Variants in RPH3AL observed in about 807,000 individuals in gnomAD.
RPH3AL encodes rab effector Noc2.
In RPH3AL, 38 loss-of-function variants were observed where a neutral mutation model predicts 43.1. That is an observed-to-expected ratio of 0.88 (90% CI 0.68 to 1.15). The LOEUF (loss-of-function observed/expected upper bound fraction) is 1.15, where lower values mean the gene tolerates loss of function less well. RPH3AL is among the 50% of genes most tolerant of loss of function. The pLI, the probability that RPH3AL is intolerant of heterozygous loss-of-function variation, is 0.00. For synonymous variants in RPH3AL, 189 were observed against 176.3 expected (o/e 1.07, Z -0.57); for missense variants, 462 against 423.2 (o/e 1.09, Z -0.81).
intron 6 of RPH3AL, among the ~76,000 whole-genome samples, chr17:250,087 G>T (rs1555541764): frequency 6.9e-6 from 1 of 144,890 alleles, no homozygotes; most frequent in East Asian, 2.1e-4. Context: ...CATCACTGCG[G>T]GACCTCTCAG....
chr17:333,100 G>A lies in RPH3AL; in HGVS notation c.-37+659C>T, dbSNP rs1440959745. ...TAAAGTCGAGAGCTCACCACCCCGG[G>A]CGTTCGTCACTGCAGACATCACTGC... On this transcript the variant is annotated intron_variant, in intron 2 of 9. Coordinates refer to ENST00000331302, the MANE Select transcript of RPH3AL (RefSeq NM_006987.4). This position sits in a 1 kb window ranked among gnomAD's most constrained non-coding sequence, Gnocchi z 4.5. The A allele has an allele frequency of 3.1e-6, 4 of 1,282,480 alleles. No homozygotes were observed. The highest frequency in any genetic ancestry group is 5.7e-5 in the East Asian group (1 of 17,470). The allele number at this position is 1,282,480 out of a possible 1,614,324, so 79.4% of individuals were successfully genotyped here. A position where few individuals can be genotyped will look rare whatever the true frequency, so the allele number is the denominator to read the frequency against.
chr17:231,610 C>T (rs990872968), intron 7 of RPH3AL, among the ~76,000 whole-genome samples: 1 of 152,200 alleles, frequency 6.6e-6, no homozygotes, highest in East Asian at 1.9e-4. Flanking sequence ...GACAGGTGAG[C>T]GGCTGGAGAT....
intron 7 of RPH3AL, among the ~76,000 whole-genome samples, chr17:226,939 G>A (rs1257616431): frequency 6.6e-6 from 1 of 152,148 alleles, no homozygotes; most frequent in Non-Finnish European, 1.5e-5. Context: ...GCTCACCGAC[G>A]AGCCCTGTAT....
chr17:232,543 C>T (rs1315609130), intron 7 of RPH3AL, among the ~76,000 whole-genome samples: 6 of 152,204 alleles, frequency 3.9e-5, no homozygotes, highest in Non-Finnish European at 8.8e-5. Context: ...TCTCTCCCAG[C>T]GGGACCCACG....
rs2042613418 is a variant in RPH3AL at position 274,746 on chromosome 17, T to G, written c.438+7022A>C. Among the ~76,000 whole-genome samples the G allele has an allele frequency of 6.6e-6, 1 of 152,184 alleles. No individual in the cohort carries two copies. The highest frequency in any genetic ancestry group is 1.5e-5 in the Non-Finnish European group (1 of 68,036). ...GACGCCTTGGAGTCAATCCTGGGTC[T>G]GCGGGGCTTAGGCTGCTGCAGAAGC... On this transcript the variant is annotated intron_variant, in intron 6 of 9. Coordinates refer to ENST00000331302, the MANE Select transcript of RPH3AL (RefSeq NM_006987.4). This position sits in a 1 kb window ranked among gnomAD's most constrained non-coding sequence, Gnocchi z 4.7.
intron 8 of RPH3AL, among the ~76,000 whole-genome samples, chr17:216,871 G>A (rs1011992553): frequency 6.6e-6 from 1 of 152,136 alleles, no homozygotes; most frequent in Non-Finnish European, 1.5e-5. Context: ...ACAGGAGAGG[G>A]GGGTGGTGGT....
At position 230,117 on chromosome 17, in the gene RPH3AL, G is replaced by A. The variant is rs541552868; in HGVS notation, c.614-10381C>T. Among the ~76,000 whole-genome samples the A allele has an allele frequency of 5.3e-5, 8 of 152,272 alleles. No homozygotes were observed. In the South Asian group the frequency reaches 8.3e-4, roughly 16 times the overall value. Reference sequence around the variant, plus strand: ...GGCCCCCGAGGACAGCCCCAGGCACGGGAGCTGATGGGCACAGACAGGGCT... The same window carrying A: ...GGCCCCCGAGGACAGCCCCAGGCACAGGAGCTGATGGGCACAGACAGGGCT... On this transcript the variant is annotated intron_variant, in intron 7 of 9. Transcript: ENST00000331302.
In RPH3AL at chr17:323,509, G is replaced by A. The variant is rs1418843646; in HGVS notation, c.78-2094C>T. On this transcript the variant is annotated intron_variant, in intron 3 of 9. Transcript: ENST00000331302. This position sits in a 1 kb window ranked among gnomAD's most constrained non-coding sequence, Gnocchi z 4.4. ...GTTTGTTCCATCTGAGCATTTCGGA[G>A]GCTCCAGGGGTCAGTGATGGGCCAG... 6.6e-6 allele frequency among the ~76,000 whole-genome samples: 1 copy of A among 152,194 alleles called. No individual in the cohort carries two copies. Among genetic ancestry groups the A allele is most frequent in the African/African-American group, 2.4e-5 (1 of 41,432 alleles).
At chr17:286,764 T>G (rs1333441512) in intron 5 of RPH3AL, among the ~76,000 whole-genome samples, 1 of 152,188 alleles carries the variant, frequency 6.6e-6, no homozygotes, top group Non-Finnish European at 1.5e-5. Context: ...GGAGTGGATT[T>G]GCCCAGGGCA....
chr17:337,514 G>A (rs1388862552), intron 1 of RPH3AL, among the ~76,000 whole-genome samples: 3 of 152,314 alleles, frequency 2.0e-5, no homozygotes, highest in African/African-American at 4.8e-5. Flanking sequence ...GGACCCTCCA[G>A]CCCCTGCTAA....
intron 5 of RPH3AL, among the ~76,000 whole-genome samples, chr17:315,579 C>A (rs1555520109): frequency 9.9e-5 from 15 of 151,794 alleles, no homozygotes; most frequent in South Asian, 4.2e-4. Flanking sequence ...CCTCCATTGA[C>A]CTGTAGTCCC....
chr17:235,469 C>T (rs1270842517), intron 7 of RPH3AL, among the ~76,000 whole-genome samples: 43 of 137,926 alleles, frequency 3.1e-4, no homozygotes, highest in Non-Finnish European at 3.6e-4. Context: ...AAGCTGGGGT[C>T]GGCCGAGGCT....
intron 9 of RPH3AL, among the ~76,000 whole-genome samples, chr17:214,949 TC>T: frequency 6.6e-6 from 1 of 152,076 alleles, no homozygotes; most frequent in Non-Finnish European, 1.5e-5. Context: ...CAAAGATGCC[TC>T]CCGGATGCTC....
At chr17:305,655 C>T (rs925549471) in intron 5 of RPH3AL, among the ~76,000 whole-genome samples, 2 of 152,092 alleles carry the variant, frequency 1.3e-5, no homozygotes, top group South Asian at 2.1e-4. Context: ...CAGGCAGGTT[C>T]GAGGGAAGAA....
chr17:326,009 A>AGG (rs2044610688), intron 3 of RPH3AL, among the ~76,000 whole-genome samples: 1 of 152,210 alleles, frequency 6.6e-6, no homozygotes, highest in South Asian at 2.1e-4. Context: ...GAGAGAGAGA[A>AGG]GGTCAGGGAG....
chr17:325,238 A>T (rs937386051), intron 3 of RPH3AL, among the ~76,000 whole-genome samples: 1 of 152,194 alleles, frequency 6.6e-6, no homozygotes, highest in African/African-American at 2.4e-5. Flanking sequence ...CAGGTAAAGA[A>T]TCTACTCTCA....
At chr17:285,193 C>A (rs1002505410) in intron 5 of RPH3AL, among the ~76,000 whole-genome samples, 1 of 151,216 alleles carries the variant, frequency 6.6e-6, no homozygotes, top group Non-Finnish European at 1.5e-5. Context: ...CTAGAGCCCT[C>A]GGTCCCCCTG....
At position 319,430 on chromosome 17, in the gene RPH3AL, T is replaced by G. The variant is rs1199795825; in HGVS notation, c.341A>C (p.Asp114Ala). The G allele has an allele frequency of 6.2e-7, 1 of 1,612,218 alleles. No homozygotes were observed. Among genetic ancestry groups the G allele is most frequent in the Admixed American group, 1.7e-5 (1 of 59,942 alleles). ...AGAGCAGGGTCTTACCTTCCTGCAG[T>G]CTTTGCAGAACACCGACGAGCTGCC... The part of the protein sequence containing the change: ...FLGSSSVFCK[D>A]CRKKVCTKCG... Residue 114 changes from aspartate to alanine, a missense_variant, in exon 5 of 10, where the codon GAC (aspartate) becomes GCC (alanine). By Grantham distance (126) the Asp-to-Ala change is moderately radical. Transcript: ENST00000331302.
At chr17:301,295 G>C (rs951352048) in intron 5 of RPH3AL, among the ~76,000 whole-genome samples, 2 of 152,188 alleles carry the variant, frequency 1.3e-5, no homozygotes, top group African/African-American at 4.8e-5. Context: ...AGGTACATAG[G>C]CAAAGTTCTC....
Sources: allele counts gnomAD v4.1 joint callset (sites outside exome capture counted in the v4.1 genomes callset), GRCh38; gene constraint gnomAD v4.1.1; non-coding constraint Gnocchi (gnomAD v3.1); transcripts MANE v1.5; gene names NCBI Gene and HGNC (gene_info 2026-07-23, HGNC 2026-07-21).